TAFA4: variants seen among roughly 807,000 people sequenced by gnomAD.
The protein encoded by TAFA4 is TAFA chemokine like family member 4, also known as chemokine-like protein TAFA-4.
Under a neutral mutation model 21.1 loss-of-function variants are expected in TAFA4, and 20 were observed. The observed-to-expected ratio is 0.95, with a 90% confidence interval of 0.67 to 1.38. The LOEUF is 1.38. TAFA4 is among the 40% of genes most tolerant of loss of function. The pLI is 0.00. For missense variants in TAFA4, 211 were observed against 180.9 expected (o/e 1.17, Z -0.95); for synonymous variants, 71 against 67.4 (o/e 1.05, Z -0.26).
chr3:68,921,566 C>G (rs1029236667), intron 1 of TAFA4, among the ~76,000 whole-genome samples: 4 of 152,156 alleles, frequency 2.6e-5, no homozygotes, highest in Non-Finnish European at 4.4e-5. Context: ...CAAAACTTTC[C>G]ATACCCCCTC....
intron 3 of TAFA4, among the ~76,000 whole-genome samples, chr3:68,778,384 G>C: frequency 6.6e-6 from 1 of 152,242 alleles, no homozygotes; most frequent in South Asian, 2.1e-4. Flanking sequence ...TCTAATACCA[G>C]AGTTTCAAAA....
At chr3:68,818,952 G>A (rs571383197) in intron 3 of TAFA4, among the ~76,000 whole-genome samples, 1 of 152,314 alleles carries the variant, frequency 6.6e-6, no homozygotes, top group Non-Finnish European at 1.5e-5. Flanking sequence ...ACATAGGGTT[G>A]CCACAAAACT....
At chr3:68,790,657 T>C (rs1219135716) in intron 3 of TAFA4, among the ~76,000 whole-genome samples, 2 of 152,212 alleles carry the variant, frequency 1.3e-5, no homozygotes, top group East Asian at 3.9e-4. Flanking sequence ...GCAAATGACC[T>C]CAAATCTGAC....
intron 1 of TAFA4, among the ~76,000 whole-genome samples, chr3:68,899,037 G>A (rs1461528068): frequency 6.6e-6 from 1 of 152,222 alleles, no homozygotes; most frequent in Non-Finnish European, 1.5e-5. Context: ...GGTTGAGGAT[G>A]CAGTTGTTAA....
chr3:68,883,588 T>C (rs2089640407), intron 2 of TAFA4, among the ~76,000 whole-genome samples: 1 of 152,220 alleles, frequency 6.6e-6, no homozygotes, highest in Non-Finnish European at 1.5e-5. Context: ...AATGTCCCAC[T>C]GTTGGCAATA....
intron 1 of TAFA4, among the ~76,000 whole-genome samples, chr3:68,928,118 T>C (rs910934792): frequency 1.3e-5 from 2 of 152,204 alleles, no homozygotes; most frequent in Non-Finnish European, 2.9e-5. Flanking sequence ...GTGTTAATGA[T>C]TTGCTACTCT....
intron 3 of TAFA4, among the ~76,000 whole-genome samples, chr3:68,759,288 C>G (rs372322017): frequency 2.0e-4 from 30 of 152,160 alleles, no homozygotes; most frequent in Admixed American, 5.9e-4. Flanking sequence ...TTAATCTCAT[C>G]CAGAAACATC....
chr3:68,860,706 A>T (rs1311395619), intron 3 of TAFA4, among the ~76,000 whole-genome samples: 2 of 152,160 alleles, frequency 1.3e-5, no homozygotes, highest in Non-Finnish European at 2.9e-5. Context: ...CAAAAATTTC[A>T]TGGAAGATGA....
intron 3 of TAFA4, among the ~76,000 whole-genome samples, chr3:68,770,996 A>G (rs1702946844): frequency 1.3e-5 from 2 of 152,156 alleles, no homozygotes; most frequent in Non-Finnish European, 2.9e-5. Context: ...ACACCGGCAG[A>G]CCAACAACAG....
At chr3:68,761,010 TCTC>T in intron 3 of TAFA4, among the ~76,000 whole-genome samples, 1 of 152,302 alleles carries the variant, frequency 6.6e-6, no homozygotes, top group East Asian at 1.9e-4. Flanking sequence ...ATCTGACTGT[TCTC>T]CTAAGATGGA....
At chr3:68,749,505 G>A (rs1049633642) in intron 4 of TAFA4, among the ~76,000 whole-genome samples, 1 of 152,106 alleles carries the variant, frequency 6.6e-6, no homozygotes, top group Non-Finnish European at 1.5e-5. Context: ...TAATTATTAT[G>A]GGATAAAGAT....
chr3:68,884,510 C>T (rs186385207), intron 2 of TAFA4, among the ~76,000 whole-genome samples: 4 of 152,312 alleles, frequency 2.6e-5, no homozygotes, highest in African/African-American at 9.6e-5. Flanking sequence ...ATGGCAGTGG[C>T]TTCCTGTGTA....
chr3:68,754,952 C>G (rs1043032017), intron 3 of TAFA4, among the ~76,000 whole-genome samples: 1 of 152,156 alleles, frequency 6.6e-6, no homozygotes, highest in Admixed American at 6.5e-5. Flanking sequence ...ATTTTCCCTG[C>G]CCCCGTAATT....
At chr3:68,750,426 T>C (rs1400533757) in intron 4 of TAFA4, among the ~76,000 whole-genome samples, 1 of 152,220 alleles carries the variant, frequency 6.6e-6, no homozygotes, top group African/African-American at 2.4e-5. Context: ...AACCTAATAC[T>C]GATAGGAATA....
intron 1 of TAFA4, among the ~76,000 whole-genome samples, chr3:68,905,136 G>A (rs2089886437): frequency 6.8e-6 from 1 of 147,460 alleles, no homozygotes; most frequent in Non-Finnish European, 1.5e-5. Context: ...GACCAAGCCA[G>A]GCAAGATTTC....
At chr3:68,929,316 G>A (rs767605069) in intron 1 of TAFA4, among the ~76,000 whole-genome samples, 2 of 152,286 alleles carry the variant, frequency 1.3e-5, no homozygotes, top group African/African-American at 2.4e-5. Flanking sequence ...GGCCAAGATC[G>A]CTTCACCAAT....
At chr3:68,863,070 CA>C (rs762098423) in intron 3 of TAFA4, among the ~76,000 whole-genome samples, 4,034 of 77,884 alleles carry the variant, frequency 0.052, 96 homozygotes, top group African/African-American at 0.12. Context: ...CCCATCTCTA[CA>C]AAAAAAAAAA....
Position 68,920,030 on chromosome 3 carries a change from A to T in TAFA4, c.-123+12210T>A, listed in dbSNP as rs116950241. On this transcript the variant is annotated intron_variant, in intron 1 of 5. Coordinates refer to ENST00000295569, the MANE Select transcript of TAFA4 (RefSeq NM_182522.5). ...CAGTAAACACCACATCTCAGTTAAC[A>T]CCATATATGACTTTGTTCAAGAATG... 2.4e-4 allele frequency among the ~76,000 whole-genome samples: 37 copies of T among 152,346 alleles called. 1 individual carries two copies. The East Asian group carries it at 7.1e-3, about 29-fold the overall frequency.
chr3:68,732,786 T>TGG lies in TAFA4; in HGVS notation c.*355_*356insCC. On this transcript the variant is annotated 3_prime_UTR_variant, in exon 6 of 6. Transcript: ENST00000295569. ...AACAGAATGAGGACCCTTTGGAACA[T>TGG]ACATCCAAGTTCTTTTGTAAAAGCA... 4.1e-6 allele frequency: 1 copy of TGG among 242,546 alleles called. No individual in the cohort carries two copies. The allele number at this position is 242,546 out of a possible 1,614,324, so 15.0% of individuals were successfully genotyped here. A position where few individuals can be genotyped will look rare whatever the true frequency, so the allele number is the denominator to read the frequency against.
Sources: gnomAD v4.1 joint callset for allele counts (sites outside exome capture counted in the v4.1 genomes callset) on GRCh38, gnomAD v4.1.1 for gene constraint, MANE v1.5 for transcripts, NCBI Gene and HGNC (gene_info 2026-07-23, HGNC 2026-07-21) for gene names.